Variants in AVEN observed in about 807,000 individuals in gnomAD.
AVEN encodes apoptosis and caspase activation inhibitor.
In AVEN, 41 loss-of-function variants were observed where a neutral mutation model predicts 38.1. That is an observed-to-expected ratio of 1.08 (90% CI 0.84 to 1.40). The LOEUF is 1.40. Among genes scored for constraint, AVEN ranks in the 40% most tolerant of loss-of-function variants. The pLI is 0.00. For synonymous variants in AVEN, 206 were observed against 171.8 expected, an observed-to-expected ratio of 1.20 and a Z score of -1.56; for missense variants, 605 against 438.8, an observed-to-expected ratio of 1.38 and a Z score of -3.38.
chr15:33,917,937 T>C (rs1433662012), intron 2 of AVEN, among the ~76,000 whole-genome samples: 1 of 152,186 alleles, frequency 6.6e-6, no homozygotes. Flanking sequence ...AAACACCACC[T>C]GTTCCCTAAA....
chr15:33,862,007 C>T (rs1394690086), downstream of AVEN, among the ~76,000 whole-genome samples: 1 of 152,158 alleles, frequency 6.6e-6, no homozygotes, highest in East Asian at 1.9e-4. Flanking sequence ...TACGGTAAAG[C>T]ATTCACTGAA....
At chr15:33,957,553 G>A (rs990149396) in intron 2 of AVEN, among the ~76,000 whole-genome samples, 6 of 152,028 alleles carry the variant, frequency 3.9e-5, no homozygotes, top group Admixed American at 3.3e-4. Flanking sequence ...TAATATTCAC[G>A]GAAGTTTTAT....
At chr15:34,009,274 C>T (rs1897529520) in intron 1 of AVEN, among the ~76,000 whole-genome samples, 1 of 152,040 alleles carries the variant, frequency 6.6e-6, no homozygotes, top group Admixed American at 6.6e-5. Flanking sequence ...GTTCTTCAAA[C>T]TAAAAACAAG....
At chr15:33,894,393 G>C (rs1472622567) in intron 2 of AVEN, among the ~76,000 whole-genome samples, 1 of 151,824 alleles carries the variant, frequency 6.6e-6, no homozygotes, top group Admixed American at 6.6e-5. Context: ...CCTTCATTAG[G>C]ATCTTACTCC....
intron 2 of AVEN, among the ~76,000 whole-genome samples, chr15:33,899,612 G>A (rs1182450208): frequency 6.8e-6 from 1 of 146,184 alleles, no homozygotes; most frequent in Non-Finnish European, 1.5e-5. Flanking sequence ...GGAACTACAG[G>A]CGCCCGTCAC....
chr15:33,871,637 A>G (rs1890955460), intron 3 of AVEN, among the ~76,000 whole-genome samples: 1 of 152,218 alleles, frequency 6.6e-6, no homozygotes, highest in African/African-American at 2.4e-5. Flanking sequence ...AAGCTGAAAG[A>G]AAAGCAAGCA....
intron 2 of AVEN, among the ~76,000 whole-genome samples, chr15:33,961,716 G>A (rs1008215280): frequency 1.3e-5 from 2 of 149,364 alleles, no homozygotes; most frequent in African/African-American, 2.5e-5. Context: ...GGGAGGCTGA[G>A]GCAGGAGAAT....
intron 2 of AVEN, among the ~76,000 whole-genome samples, chr15:33,981,156 A>C (rs894532654): frequency 6.6e-6 from 1 of 152,178 alleles, no homozygotes; most frequent in Admixed American, 6.5e-5. Flanking sequence ...CTGAATTAAG[A>C]AATCCAAAAG....
chr15:34,022,625 T>C (rs1225733012), intron 1 of AVEN, among the ~76,000 whole-genome samples: 2 of 152,222 alleles, frequency 1.3e-5, no homozygotes, highest in African/African-American at 4.8e-5. Context: ...TAAAATTCCC[T>C]TGGAGTTAGA....
downstream of AVEN, among the ~76,000 whole-genome samples, chr15:33,855,459 C>T (rs550629614): frequency 1.2e-4 from 19 of 152,366 alleles, no homozygotes; most frequent in African/African-American, 4.6e-4. Context: ...CCGCCTCGGC[C>T]TCCCGAAGTG....
rs777064271 is a variant in AVEN, at chr15:34,063,624, T to A, written n.1127-192A>T. 27 of 1,613,916 alleles carry A rather than the reference T, an allele frequency of 1.7e-5. No homozygotes were observed. Among genetic ancestry groups the A allele is most frequent in the Non-Finnish European group, 2.3e-5 (27 of 1,180,014 alleles). ...GGCCAAAGCTGAGCAGCTCACCACC[T>A]GTAGCAGCTACCCTTCCTCAGAGGA... On this transcript the variant is annotated intron_variant and non_coding_transcript_variant, in intron 4 of 11. Transcript: ENST00000675287. This position sits in a 1 kb window ranked among gnomAD's most constrained non-coding sequence, Gnocchi z 4.1.
chr15:33,981,268 T>C (rs1896131565), intron 2 of AVEN, among the ~76,000 whole-genome samples: 1 of 152,230 alleles, frequency 6.6e-6, no homozygotes, highest in African/African-American at 2.4e-5. Flanking sequence ...TTATAACACA[T>C]AATTATCTTT....
At chr15:34,073,644 C>T (rs1218283746) in intron 1 of AVEN, among the ~76,000 whole-genome samples, 1 of 151,662 alleles carries the variant, frequency 6.6e-6, no homozygotes, top group African/African-American at 2.4e-5. Flanking sequence ...CCTCAGCCTC[C>T]CGAGTAGCTG....
intron 1 of AVEN, among the ~76,000 whole-genome samples, chr15:34,021,811 C>T (rs1018729828): frequency 2.0e-5 from 3 of 152,002 alleles, no homozygotes; most frequent in Non-Finnish European, 4.4e-5. Context: ...GCCGAGGTTG[C>T]GCCACTGCAC....
intron 11 of AVEN, chr15:33,860,490 A>G: frequency 1.6e-6 from 1 of 634,168 alleles, no homozygotes; most frequent in Non-Finnish European, 2.6e-6. Flanking sequence ...TTGCTTTGAT[A>G]ATTCACTTTT....
intron 2 of AVEN, among the ~76,000 whole-genome samples, chr15:33,931,929 C>T (rs1893867961): frequency 6.6e-6 from 1 of 152,142 alleles, no homozygotes; most frequent in South Asian, 2.1e-4. Flanking sequence ...AAGAATAAAG[C>T]ATCCAGAATC....
intron 3 of AVEN, among the ~76,000 whole-genome samples, chr15:33,874,243 C>G (rs1335993931): frequency 6.6e-6 from 1 of 151,974 alleles, no homozygotes; most frequent in Non-Finnish European, 1.5e-5. Flanking sequence ...TTTGTTATTA[C>G]CTCCATTTTA....
chr15:34,061,690 G>T (rs1900339131), intron 5 of AVEN, among the ~76,000 whole-genome samples: 1 of 152,112 alleles, frequency 6.6e-6, no homozygotes, highest in Non-Finnish European at 1.5e-5. Context: ...CCAGAAAAAA[G>T]ATAACCTAAA....
intron 2 of AVEN, among the ~76,000 whole-genome samples, chr15:33,880,322 CT>C (rs987291640): frequency 6.6e-6 from 1 of 152,080 alleles, no homozygotes; most frequent in Non-Finnish European, 1.5e-5. Context: ...GCTTATCCCC[CT>C]AAGGCATTTA....
Sources: gnomAD v4.1 joint callset for allele counts (sites outside exome capture counted in the v4.1 genomes callset) on GRCh38, gnomAD v4.1.1 for gene constraint, Gnocchi (gnomAD v3.1) non-coding constraint, MANE v1.5 for transcripts, NCBI Gene and HGNC (gene_info 2026-07-23, HGNC 2026-07-21) for gene names.